Variants in SPNS1 observed in about 807,000 individuals in gnomAD.
SPNS1 encodes protein spinster homolog 1.
In SPNS1, 22 loss-of-function variants were observed where a neutral mutation model predicts 50.3. The observed-to-expected ratio is 0.44, with a 90% confidence interval of 0.31 to 0.62. The LOEUF is 0.62. Among genes scored for constraint, SPNS1 ranks in the 20% least tolerant of loss-of-function variants. The pLI, the probability that SPNS1 is intolerant of heterozygous loss-of-function variation, is 0.07. For missense variants in SPNS1, 576 were observed against 728.6 expected, an observed-to-expected ratio of 0.79 and a Z score of 2.41; for synonymous variants, 295 against 317.4, an observed-to-expected ratio of 0.93 and a Z score of 0.75.
chr16:28,979,054 A>G lies in SPNS1; in HGVS notation c.445-101A>G. Reference sequence around the variant, plus strand: ...GTCTGTGTGATTCTAAAACCCAGGCATCTCCCGCCATCCCTGCTGCCTCTT... The same window carrying G: ...GTCTGTGTGATTCTAAAACCCAGGCGTCTCCCGCCATCCCTGCTGCCTCTT... On this transcript the variant is annotated intron_variant, in intron 3 of 11. Coordinates refer to ENST00000311008, the MANE Select transcript of SPNS1 (RefSeq NM_032038.3). 2.1e-6 allele frequency: 3 copies of G among 1,438,966 alleles called. No homozygotes were observed. The South Asian group carries it at 3.9e-5, about 19-fold the overall frequency. The allele number at this position is 1,438,966 out of a possible 1,614,324, so 89.1% of individuals were successfully genotyped here.
chr16:28,980,022 CAA>C (rs201443284), intron 5 of SPNS1: 13 of 117,574 alleles, frequency 1.1e-4, no homozygotes, highest in South Asian at 5.5e-4. Flanking sequence ...GACTCCTTCT[CAA>C]AAAAAAAAAA....
Position 28,983,374 on chromosome 16 carries a change from CTG to C in SPNS1, c.1320+88_1320+89del. 1.8e-6 allele frequency: 2 copies of C among 1,095,960 alleles called. No homozygotes were observed. The highest frequency in any genetic ancestry group is 2.8e-6 in the Non-Finnish European group (2 of 713,486). 67.9% of individuals were successfully genotyped at this position (1,095,960 alleles called of 1,614,324 possible). The stretch of plus-strand genomic sequence containing the variant: ...AGAAGGCCTGGCCCTAGTGAAGTGT[CTG>C]TGTCCTGCGTGCTGGGCACTTCTCA... On this transcript the variant is annotated intron_variant, in intron 10 of 11. Coordinates refer to ENST00000311008, the MANE Select transcript of SPNS1 (RefSeq NM_032038.3). The surrounding 1 kb of genome is among the most constrained non-coding windows in gnomAD (Gnocchi z 5.4).
At chr16:28,980,249 C>T (rs550759769) in intron 5 of SPNS1, 174 of 152,322 alleles carry the variant, frequency 1.1e-3, no homozygotes, top group Middle Eastern at 6.6e-3. Flanking sequence ...CGCTTGAACC[C>T]GGGAGGCAGA....
chr16:28,982,939 C>T lies in SPNS1; in HGVS notation c.1221+17C>T. The stretch of plus-strand genomic sequence containing the variant: ...ATTCTGCTGGTGAGTTGCTGGGCAG[C>T]TCCAGGGTCAGCGCAGAGGCTGATG... On this transcript the variant is annotated intron_variant, in intron 9 of 11. Coordinates refer to ENST00000311008, the MANE Select transcript of SPNS1 (RefSeq NM_032038.3). 4 of 1,613,660 alleles carry T rather than the reference C, an allele frequency of 2.5e-6. No homozygotes were observed. The highest frequency in any genetic ancestry group is 3.4e-6 in the Non-Finnish European group (4 of 1,179,860).
At chr16:28,984,698 T>TC (rs1965696891), downstream of SPNS1, 1 of 688,912 alleles carries the variant, frequency 1.5e-6, no homozygotes, top group Admixed American at 2.2e-5. Context: ...ACTGCTCTTC[T>TC]CCGAGTGAGC....
In SPNS1 at chr16:28,983,178, C is replaced by T; in HGVS notation, c.1222-14C>T. ...GCCCAGAGCATCCACTGAGCTCCAC[C>T]AACTCCTCCACAGTACGTGGTGATC... is the stretch of plus-strand genomic sequence containing the variant. On this transcript the variant is annotated splice_polypyrimidine_tract_variant and intron_variant, in intron 9 of 11. Coordinates refer to ENST00000311008, the MANE Select transcript of SPNS1 (RefSeq NM_032038.3). This position sits in a 1 kb window ranked among gnomAD's most constrained non-coding sequence, Gnocchi z 5.4. 1.2e-6 allele frequency: 2 copies of T among 1,601,958 alleles called. No individual in the cohort carries two copies. The highest frequency in any genetic ancestry group is 1.7e-6 in the Non-Finnish European group (2 of 1,170,166).
Position 28,984,457 on chromosome 16 carries a change from G to T in SPNS1, c.*158G>T. On this transcript the variant is annotated 3_prime_UTR_variant, in exon 12 of 12. Coordinates refer to ENST00000311008, the MANE Select transcript of SPNS1 (RefSeq NM_032038.3). ...CTACCTGGGTAGCTCAGGGGAGGAG[G>T]TGGGGGTCCAGGAGGGGGATCCCTC... The T allele has an allele frequency of 1.3e-6, 1 of 773,492 alleles. No homozygotes were observed. Among genetic ancestry groups the T allele is most frequent in the Non-Finnish European group, 2.2e-6 (1 of 450,690 alleles). 47.9% of individuals were successfully genotyped at this position (773,492 alleles called of 1,614,324 possible).
chr16:28,982,701 C>T (rs534193399), intron 8 of SPNS1, among the ~76,000 whole-genome samples, 156 bp downstream of exon 8: 19 of 152,308 alleles, frequency 1.2e-4, no homozygotes, highest in African/African-American at 4.1e-4. Flanking sequence ...CCTCTCTGTG[C>T]TCAGTTTCAT....
rs764535574 is a variant in SPNS1 at position 28,982,359 on chromosome 16, C to T, written c.969C>T (p.Leu323=). Residue 323 remains leucine (L), a synonymous_variant, in exon 8 of 12, where the codon CTC becomes CTT. Transcript: ENST00000311008. ...PGDSCSSSDS[L]IFGLITCLTG... The stretch of plus-strand genomic sequence containing the variant: ...CATTCCCTTCCCTCACCCCTAGTCT[C>T]ATCTTTGGACTCATCACCTGCCTGA... 2 of 1,580,240 alleles carry T rather than the reference C, an allele frequency of 1.3e-6. No individual in the cohort carries two copies. Among genetic ancestry groups the T allele is most frequent in the Admixed American group, 1.7e-5 (1 of 57,248 alleles).
In SPNS1 at chr16:28,975,081, C is replaced by T; in HGVS notation, c.-71C>T. The T allele has an allele frequency of 1.4e-6, 2 of 1,439,276 alleles. No homozygotes were observed. Among genetic ancestry groups the T allele is most frequent in the Non-Finnish European group, 1.8e-6 (2 of 1,101,022 alleles). The allele number at this position is 1,439,276 out of a possible 1,614,324, so 89.2% of individuals were successfully genotyped here. A position where few individuals can be genotyped will look rare whatever the true frequency, so the allele number is the denominator to read the frequency against. ...CTGTGTTCGGTCCATCCTCCTTTCT[C>T]CAGCCTCCTCCCCTCGCAGGTGGGA... On this transcript the variant is annotated 5_prime_UTR_variant, in exon 1 of 12. Transcript: ENST00000311008.
intron 2 of SPNS1, among the ~76,000 whole-genome samples, 156 bp from the exon 3 acceptor site, chr16:28,977,752 A>C (rs1965394434): frequency 2.0e-5 from 3 of 152,180 alleles, no homozygotes; most frequent in Non-Finnish European, 2.9e-5. Flanking sequence ...CATCCGCCTG[A>C]CAGGAAGCTC....
intron 3 of SPNS1, 37 bp downstream of exon 3, chr16:28,978,081 C>T: frequency 6.2e-7 from 1 of 1,601,316 alleles, no homozygotes; most frequent in South Asian, 1.1e-5. Flanking sequence ...CTGCCCACAC[C>T]CCCTCCCTGT....
In SPNS1 at chr16:28,984,350, A is replaced by G; in HGVS notation, c.*51A>G. On this transcript the variant is annotated 3_prime_UTR_variant, in exon 12 of 12. Transcript: ENST00000311008. ...ATCTGCCACAGCTGGCCCTGGGCCC[A>G]CCCCACGAAGGGCCTGGGCCTAACC... is the stretch of plus-strand genomic sequence containing the variant. 1 of 1,566,038 alleles carries G rather than the reference A, an allele frequency of 6.4e-7. No individual in the cohort carries two copies. Among genetic ancestry groups the G allele is most frequent in the African/African-American group, 1.4e-5 (1 of 73,890 alleles).
chr16:28,981,391 C>G lies in SPNS1; in HGVS notation c.664-79C>G. ...ATTTTAGGTCTCAGGCTGGAGTTAT[C>G]TGTACCCCACACTCTCCTCCAGCCC... On this transcript the variant is annotated intron_variant, in intron 5 of 11. Transcript: ENST00000311008. This position sits in a 1 kb window ranked among gnomAD's most constrained non-coding sequence, Gnocchi z 4.2. The G allele has an allele frequency of 6.4e-7, 1 of 1,571,040 alleles. No individual in the cohort carries two copies. Among genetic ancestry groups the G allele is most frequent in the Non-Finnish European group, 8.7e-7 (1 of 1,149,830 alleles).
intron 3 of SPNS1, 111 bp downstream of exon 3, chr16:28,978,155 C>T (rs2141666272): frequency 9.7e-6 from 14 of 1,436,468 alleles, no homozygotes; most frequent in Non-Finnish European, 1.3e-5. Context: ...TGCAGTTTCC[C>T]TGGTCCATGC....
Position 28,979,154 on chromosome 16 carries a change from G to T in SPNS1, c.445-1G>T. 6.2e-7 allele frequency: 1 copy of T among 1,613,398 alleles called. No homozygotes were observed. On this transcript the variant is annotated splice_acceptor_variant, in intron 3 of 11. Transcript: ENST00000311008. LOFTEE classifies it high-confidence loss of function. The stretch of plus-strand genomic sequence containing the variant: ...CACCTCTCCCCGGTCTCTCTCCCCA[G>T]CATTTCTGGCTGCTCCTCCTGACCC...
Position 28,982,720 on chromosome 16 carries a change from A to G in SPNS1, c.1156-137A>G. 4 of 1,225,430 alleles carry G rather than the reference A, an allele frequency of 3.3e-6. No individual in the cohort carries two copies. In the South Asian group the frequency reaches 4.0e-5, roughly 12 times the overall value. The allele number at this position is 1,225,430 out of a possible 1,614,324, so 75.9% of individuals were successfully genotyped here. A position where few individuals can be genotyped will look rare whatever the true frequency, so the allele number is the denominator to read the frequency against. ...TCTGTGCTCAGTTTCATCATGTGTA[A>G]AATGGGGATATTAGTAGCACCTGTC... On this transcript the variant is annotated intron_variant, in intron 8 of 11. Coordinates refer to ENST00000311008, the MANE Select transcript of SPNS1 (RefSeq NM_032038.3).
At position 28,979,290 on chromosome 16, in the gene SPNS1, G is replaced by A. The variant is rs1255065347; in HGVS notation, c.580G>A (p.Ala194Thr). 2 of 1,614,184 alleles carry A rather than the reference G, an allele frequency of 1.2e-6. No individual in the cohort carries two copies. The highest frequency in any genetic ancestry group is 1.1e-5 in the South Asian group (1 of 91,082). ...RSRMLSIFYF[A>T]IPVGSGLGYI... is the part of the protein sequence containing the mutation. ...CCGGATGCTCAGCATCTTCTACTTT[G>A]CCATTCCGGTGGGCAGGTGAGTGGG... Residue 194 changes from alanine (A) to threonine (T), a missense_variant, in exon 4 of 12, where the codon GCC (alanine) becomes ACC (threonine). Physicochemically the swap from Ala to Thr is moderately conservative, Grantham distance 58 (BLOSUM62 0). Around this residue, in one of 3 missense-constraint regions of SPNS1, gnomAD observed 428 missense variants for 520.1 expected, o/e 0.82. Coordinates refer to ENST00000311008, the MANE Select transcript of SPNS1 (RefSeq NM_032038.3).
rs978353973 is a variant in SPNS1 at position 28,983,484 on chromosome 16, A to G, written c.1320+194A>G. Among the ~76,000 whole-genome samples the G allele has an allele frequency of 6.6e-6, 1 of 152,096 alleles. No homozygotes were observed. The highest frequency in any genetic ancestry group is 1.5e-5 in the Non-Finnish European group (1 of 68,012). ...GCCAGGGACCTCACCCTGGTGGTCC[A>G]AACTCCTCCTTTCTTTTCTCTTTTC... On this transcript the variant is annotated intron_variant, in intron 10 of 11. Coordinates refer to ENST00000311008, the MANE Select transcript of SPNS1 (RefSeq NM_032038.3). The surrounding 1 kb of genome is among the most constrained non-coding windows in gnomAD (Gnocchi z 5.4).
Sources: allele counts gnomAD v4.1 joint callset (sites outside exome capture counted in the v4.1 genomes callset), GRCh38; gene constraint gnomAD v4.1.1; regional missense constraint gnomAD v4.1.1; non-coding constraint Gnocchi (gnomAD v3.1); transcripts MANE v1.5; gene names NCBI Gene and HGNC (gene_info 2026-07-23, HGNC 2026-07-21).